Variants in GRM5 observed in about 807,000 individuals in gnomAD.
GRM5 encodes glutamate metabotropic receptor 5, also known as metabotropic glutamate receptor 5.
GRM5 carries 19 observed loss-of-function variants against 83.1 expected under a neutral mutation model. That is an observed-to-expected ratio of 0.23 (90% CI 0.16 to 0.34). GRM5 has a LOEUF of 0.34. Ranked by LOEUF, GRM5 falls within the 10% of genes least tolerant of loss-of-function variation. The probability of loss-of-function intolerance (pLI) is 1.00; values close to 1 mark genes in which losing one functional copy is unlikely to be tolerated. For synonymous variants in GRM5, 675 were observed against 633.6 expected (o/e 1.07, Z -0.98); for missense variants, 1,160 against 1,588.3 (o/e 0.73, Z 4.58).
At chr11:88,684,492 T>C (rs1940570860) in intron 3 of GRM5, among the ~76,000 whole-genome samples, 1 of 152,138 alleles carries the variant, frequency 6.6e-6, no homozygotes, top group African/African-American at 2.4e-5. Flanking sequence ...TGCTGTTGGA[T>C]TGGATGTGCG....
chr11:88,993,155 C>T (rs1176371943), intron 2 of GRM5, among the ~76,000 whole-genome samples: 1 of 151,404 alleles, frequency 6.6e-6, no homozygotes, highest in Non-Finnish European at 1.5e-5. Context: ...AGTCCTAGCT[C>T]CTCCGTAGGC....
intron 3 of GRM5, among the ~76,000 whole-genome samples, chr11:88,782,917 C>A (rs898106791): frequency 3.3e-5 from 5 of 152,046 alleles, no homozygotes; most frequent in African/African-American, 1.2e-4. Context: ...TTACTTTTAT[C>A]CCGGCAACAA....
chr11:88,569,925 T>C (rs1359775249), intron 7 of GRM5, among the ~76,000 whole-genome samples: 4 of 151,778 alleles, frequency 2.6e-5, no homozygotes, highest in Non-Finnish European at 5.9e-5. Context: ...TACTGGGAGG[T>C]AGGGGAGGCA....
chr11:88,597,647 G>A (rs555979629), intron 5 of GRM5, among the ~76,000 whole-genome samples: 11 of 152,202 alleles, frequency 7.2e-5, no homozygotes, highest in African/African-American at 2.6e-4. Context: ...GTTTAAACGA[G>A]TACTGTTAGG....
At chr11:89,043,284 G>T (rs182277951) in intron 2 of GRM5, among the ~76,000 whole-genome samples, 2 of 152,260 alleles carry the variant, frequency 1.3e-5, no homozygotes, top group African/African-American at 4.8e-5. Context: ...GAAAACTAGT[G>T]AAGTGTGAAA....
chr11:88,908,261 G>C (rs1199556659), intron 2 of GRM5, among the ~76,000 whole-genome samples: 4 of 152,054 alleles, frequency 2.6e-5, no homozygotes, highest in Non-Finnish European at 5.9e-5. Flanking sequence ...AACTGTAATA[G>C]GAGGTATTGC....
intron 3 of GRM5, among the ~76,000 whole-genome samples, chr11:88,665,386 T>C (rs1467321665): frequency 6.6e-6 from 1 of 152,140 alleles, no homozygotes; most frequent in Non-Finnish European, 1.5e-5. Context: ...TTGATTTCTG[T>C]ACATAAACAC....
intron 2 of GRM5, among the ~76,000 whole-genome samples, chr11:89,000,539 C>A (rs1940344521): frequency 6.6e-6 from 1 of 152,112 alleles, no homozygotes; most frequent in Admixed American, 6.6e-5. Context: ...TCAATCTAAA[C>A]CTCATAATTC....
chr11:88,697,987 G>T (rs1401443468), intron 3 of GRM5, among the ~76,000 whole-genome samples: 4 of 152,254 alleles, frequency 2.6e-5, no homozygotes, highest in African/African-American at 7.2e-5. Context: ...AAATCCATCT[G>T]CTTTTCTCCA....
At chr11:88,607,603 C>T (rs763244810) in intron 4 of GRM5, among the ~76,000 whole-genome samples, 3 of 152,194 alleles carry the variant, frequency 2.0e-5, no homozygotes, top group Non-Finnish European at 4.4e-5. Context: ...AAGCCAAAGT[C>T]CTTGCAATGG....
intron 3 of GRM5, among the ~76,000 whole-genome samples, chr11:88,721,985 A>G (rs1432580131): frequency 1.3e-5 from 2 of 152,146 alleles, no homozygotes; most frequent in African/African-American, 4.8e-5. Flanking sequence ...GACTAGTGAT[A>G]TCTAATTTTC....
At position 89,036,131 on chromosome 11, in the gene GRM5, C is replaced by A. The variant is rs1391492073; in HGVS notation, c.661+11081G>T. Among the ~76,000 whole-genome samples the A allele has an allele frequency of 2.0e-5, 3 of 152,024 alleles. No individual in the cohort carries two copies. The East Asian group carries it at 5.8e-4, about 29-fold the overall frequency. On this transcript the variant is annotated intron_variant, in intron 2 of 9. Transcript: ENST00000305447. The stretch of plus-strand genomic sequence containing the variant: ...ATCCCCTCTAGTTTCATCTCCTACA[C>A]CCACTCACATCAAAGATAACCATGT...
chr11:88,632,581 C>G (rs1030674596), intron 4 of GRM5, among the ~76,000 whole-genome samples: 5 of 152,062 alleles, frequency 3.3e-5, no homozygotes, highest in African/African-American at 1.2e-4. Flanking sequence ...GAGTAATATT[C>G]CATTACATGA....
intron 4 of GRM5, among the ~76,000 whole-genome samples, chr11:88,617,475 T>C (rs746918986): frequency 1.3e-4 from 20 of 152,206 alleles, no homozygotes; most frequent in Non-Finnish European, 2.6e-4. Context: ...GTGCACCAGA[T>C]GTAAGCAGAA....
At chr11:88,788,326 G>T (rs993936285) in intron 3 of GRM5, among the ~76,000 whole-genome samples, 2 of 152,076 alleles carry the variant, frequency 1.3e-5, no homozygotes, top group Non-Finnish European at 2.9e-5. Context: ...TATTGTAAGA[G>T]GAAATATGAA....
chr11:89,009,024 G>T (rs1313537101), intron 2 of GRM5: 2 of 724,070 alleles, frequency 2.8e-6, no homozygotes, highest in Non-Finnish European at 5.1e-6. Context: ...TAGCCCTATT[G>T]TTTTACACAC....
At chr11:88,883,707 C>A (rs10437581) in intron 2 of GRM5, among the ~76,000 whole-genome samples, 33,523 of 151,982 alleles carry the variant, frequency 0.22, 4,950 homozygotes, top group Non-Finnish European at 0.33. Flanking sequence ...CATCACAGGC[C>A]TGGAGGCTTA....
chr11:88,905,681 T>C (rs1026683527), intron 2 of GRM5, among the ~76,000 whole-genome samples: 2 of 152,084 alleles, frequency 1.3e-5, no homozygotes, highest in South Asian at 2.1e-4. Flanking sequence ...TCTTATTAGA[T>C]TGGTTCACCT....
chr11:89,065,363 T>C (rs1214753579), intron 1 of GRM5, among the ~76,000 whole-genome samples: 2 of 151,090 alleles, frequency 1.3e-5, no homozygotes, highest in Non-Finnish European at 2.9e-5. Context: ...GATCCAAACG[T>C]ATCCTTTGGC....
Sources: allele counts gnomAD v4.1 joint callset (sites outside exome capture counted in the v4.1 genomes callset), GRCh38; gene constraint gnomAD v4.1.1; transcripts MANE v1.5; gene names NCBI Gene and HGNC (gene_info 2026-07-23, HGNC 2026-07-21).